Variants in SVIL observed in about 807,000 individuals in gnomAD.
SVIL encodes the protein archvillin.
A neutral mutation model predicts 240.4 loss-of-function variants in SVIL; 101 were observed. The ratio of observed to expected loss-of-function variants is 0.42; its 90% CI spans 0.36 to 0.50. SVIL has a LOEUF of 0.50. Among genes scored for constraint, SVIL ranks in the 20% least tolerant of loss-of-function variants. SVIL has a pLI of 0.01. For synonymous variants in SVIL, 999 were observed against 1,100.0 expected, an observed-to-expected ratio of 0.91 and a Z score of 1.82; for missense variants, 2,512 against 2,818.7, an observed-to-expected ratio of 0.89 and a Z score of 2.46.
intron 1 of SVIL, among the ~76,000 whole-genome samples, chr10:29,730,389 A>T (rs1489890208): frequency 6.6e-6 from 1 of 151,958 alleles, no homozygotes. Flanking sequence ...GTCAGAGGGG[A>T]GTGTTGAATT....
intron 3 of SVIL, among the ~76,000 whole-genome samples, chr10:29,561,463 G>A (rs564290384): frequency 4.5e-4 from 68 of 152,232 alleles, no homozygotes; most frequent in African/African-American, 1.6e-3. Flanking sequence ...AACAACCTCT[G>A]CTATGTAGAA....
chr10:29,723,568 A>G lies in SVIL; in HGVS notation c.-400+12183T>C, dbSNP rs183232670. Among the ~76,000 whole-genome samples the G allele has an allele frequency of 6.9e-3, 1,057 of 152,244 alleles. 5 individuals are homozygous for G. Among genetic ancestry groups the G allele is most frequent in the Non-Finnish European group, 1.0e-2 (679 of 68,014 alleles). On this transcript the variant is annotated intron_variant, in intron 1 of 35. Coordinates refer to the SVIL transcript ENST00000375400. ...GCTTCAGGGAATAATAATAATTATT[A>G]TTATATAATAGGAGGAGGAAAATGA...
At chr10:29,550,373 T>C (rs1953183430) in intron 6 of SVIL, among the ~76,000 whole-genome samples, 1 of 151,350 alleles carries the variant, frequency 6.6e-6, no homozygotes, top group African/African-American at 2.4e-5. Flanking sequence ...GCCCAGGAGT[T>C]CCAGGCTGCA....
intron 36 of SVIL, among the ~76,000 whole-genome samples, chr10:29,461,295 A>G (rs1944230287): frequency 6.6e-6 from 1 of 152,182 alleles, no homozygotes; most frequent in Non-Finnish European, 1.5e-5. Context: ...TCACGAAACC[A>G]CAGTTGCAGT....
At chr10:29,729,664 T>C (rs931143698) in intron 1 of SVIL, among the ~76,000 whole-genome samples, 2 of 71,322 alleles carry the variant, frequency 2.8e-5, no homozygotes, top group African/African-American at 1.6e-4. Flanking sequence ...TGAAACCCCA[T>C]CTCTACTAAA....
intron 1 of SVIL, among the ~76,000 whole-genome samples, chr10:29,580,949 G>C (rs1955919187): frequency 6.6e-6 from 1 of 152,164 alleles, no homozygotes; most frequent in African/African-American, 2.4e-5. Context: ...AACCAACCAT[G>C]AGCTGGAATT....
intron 1 of SVIL, among the ~76,000 whole-genome samples, chr10:29,731,167 C>G (rs1964597736): frequency 9.9e-6 from 1 of 101,166 alleles, no homozygotes; most frequent in Admixed American, 9.3e-5. Context: ...CTGCTCTAGC[C>G]CTCATACTTG....
At chr10:29,567,128 C>T (rs1382576363) in intron 2 of SVIL, among the ~76,000 whole-genome samples, 4 of 152,176 alleles carry the variant, frequency 2.6e-5, no homozygotes, top group Non-Finnish European at 5.9e-5. Flanking sequence ...CCGCCACCCC[C>T]CTTCCTCTGC....
At chr10:29,590,557 T>G (rs1490603420) in intron 1 of SVIL, among the ~76,000 whole-genome samples, 1 of 152,228 alleles carries the variant, frequency 6.6e-6, no homozygotes, top group Non-Finnish European at 1.5e-5. Context: ...GGCTAGTAGA[T>G]CACATATGCC....
At chr10:29,694,059 G>A (rs1253602032) in intron 1 of SVIL, among the ~76,000 whole-genome samples, 3 of 151,812 alleles carry the variant, frequency 2.0e-5, no homozygotes, top group African/African-American at 7.3e-5. Context: ...CCCATAGACA[G>A]CCCCCCTACC....
intron 1 of SVIL, among the ~76,000 whole-genome samples, chr10:29,631,927 A>T (rs188676057): frequency 1.3e-4 from 20 of 152,268 alleles, no homozygotes; most frequent in African/African-American, 4.8e-4. Flanking sequence ...AAAGTTCTAG[A>T]CCTACGGATA....
At chr10:29,621,347 G>A (rs1266950512) in intron 1 of SVIL, among the ~76,000 whole-genome samples, 1 of 152,258 alleles carries the variant, frequency 6.6e-6, no homozygotes, top group Non-Finnish European at 1.5e-5. Context: ...AACCAAAGCA[G>A]CAAGTTCCCC....
intron 2 of SVIL, among the ~76,000 whole-genome samples, chr10:29,658,536 T>A (rs773075418): frequency 6.6e-6 from 1 of 152,214 alleles, no homozygotes. Context: ...GTGGGAGGAC[T>A]GCTTGAGGCC....
chr10:29,675,995 G>A (rs1172378851), intron 2 of SVIL, among the ~76,000 whole-genome samples: 1 of 152,092 alleles, frequency 6.6e-6, no homozygotes, highest in Non-Finnish European at 1.5e-5. Context: ...CCAGATTACT[G>A]CATCTGGGCA....
Position 29,486,079 on chromosome 10 carries a change from C to G in SVIL, c.4779+6G>C, listed in dbSNP as rs1399123476. ...CTCACTGAAGGGCAGAGCCCACGGA[C>G]TGTACCTCTTTGGGTTGCAGAAGGG... is the stretch of plus-strand genomic sequence containing the variant. On this transcript the variant is annotated splice_donor_region_variant and intron_variant, in intron 26 of 37. Coordinates refer to ENST00000355867, the MANE Select transcript of SVIL (RefSeq NM_021738.3). 2 of 1,614,116 alleles carry G rather than the reference C, an allele frequency of 1.2e-6. No individual in the cohort carries two copies. The highest frequency in any genetic ancestry group is 1.7e-6 in the Non-Finnish European group (2 of 1,180,048).
chr10:29,679,456 A>G (rs1182087846), intron 2 of SVIL, among the ~76,000 whole-genome samples: 1 of 152,218 alleles, frequency 6.6e-6, no homozygotes, highest in Non-Finnish European at 1.5e-5. Context: ...CAAATATGTT[A>G]TTAGAAAAAC....
At chr10:29,641,572 A>G (rs1404911692) in intron 3 of SVIL, among the ~76,000 whole-genome samples, 4 of 152,140 alleles carry the variant, frequency 2.6e-5, no homozygotes, top group African/African-American at 2.4e-5. Context: ...CCATCTCAAA[A>G]TAAATAAATA....
chr10:29,696,601 G>A (rs1428277534), intron 1 of SVIL, among the ~76,000 whole-genome samples: 7 of 150,664 alleles, frequency 4.6e-5, no homozygotes, highest in African/African-American at 9.7e-5. Flanking sequence ...CCTCTGCCCC[G>A]CCGCCCCGTC....
intron 3 of SVIL, among the ~76,000 whole-genome samples, chr10:29,641,560 C>T (rs1490673823): frequency 6.6e-6 from 1 of 151,832 alleles, no homozygotes; most frequent in Non-Finnish European, 1.5e-5. Flanking sequence ...AAGAACGAAA[C>T]TCCATCTCAA....
Sources: gnomAD v4.1 joint callset for allele counts (sites outside exome capture counted in the v4.1 genomes callset) on GRCh38, gnomAD v4.1.1 for gene constraint, MANE v1.5 for transcripts, NCBI Gene and HGNC (gene_info 2026-07-23, HGNC 2026-07-21) for gene names.